The following TSPAN9 variants were observed in gnomAD, a reference collection of about 807,000 sequenced individuals.
The protein encoded by TSPAN9 is tetraspanin-9.
A neutral mutation model predicts 31.0 loss-of-function variants in TSPAN9; 16 were observed. That is an observed-to-expected ratio of 0.52 (90% CI 0.35 to 0.78). The LOEUF (loss-of-function observed/expected upper bound fraction) is 0.78, where lower values mean the gene tolerates loss of function less well. Among genes scored for constraint, TSPAN9 ranks in the 30% least tolerant of loss-of-function variants. TSPAN9 has a pLI of 0.01. For missense variants in TSPAN9, 272 were observed against 312.5 expected (o/e 0.87, Z 0.98); for synonymous variants, 145 against 121.6 (o/e 1.19, Z -1.27).
chr12:3,128,097 G>A (rs1322263524), intron 2 of TSPAN9, among the ~76,000 whole-genome samples: 5 of 152,210 alleles, frequency 3.3e-5, no homozygotes, highest in East Asian at 1.9e-4. Context: ...TGTGTGGTCC[G>A]TCATTGGCTG....
intron 2 of TSPAN9, among the ~76,000 whole-genome samples, chr12:3,179,185 A>T (rs1591662784): frequency 6.6e-6 from 1 of 152,146 alleles, no homozygotes; most frequent in Non-Finnish European, 1.5e-5. Flanking sequence ...ATCCTGCCTC[A>T]TCCTGGAACC....
intron 2 of TSPAN9, among the ~76,000 whole-genome samples, chr12:3,179,455 C>T (rs1381270991): frequency 1.3e-5 from 2 of 152,160 alleles, no homozygotes; most frequent in Non-Finnish European, 2.9e-5. Context: ...AAGCCACTGT[C>T]CCCCTGCTTG....
At chr12:3,089,373 T>A (rs1260598566) in intron 2 of TSPAN9, among the ~76,000 whole-genome samples, 2 of 146,148 alleles carry the variant, frequency 1.4e-5, no homozygotes, top group African/African-American at 5.0e-5. Flanking sequence ...CTTGGCTCAC[T>A]GCAACCTCCC....
chr12:3,121,807 T>C (rs977198041), intron 2 of TSPAN9, among the ~76,000 whole-genome samples: 6 of 152,188 alleles, frequency 3.9e-5, no homozygotes, highest in Non-Finnish European at 8.8e-5. Flanking sequence ...CCCTCAGTCT[T>C]GACACAGTAC....
intron 2 of TSPAN9, among the ~76,000 whole-genome samples, chr12:3,197,267 G>A (rs937462392): frequency 6.6e-6 from 1 of 152,220 alleles, no homozygotes; most frequent in African/African-American, 2.4e-5. Flanking sequence ...AAGAAGTAAT[G>A]TTGTGAGAAT....
At chr12:3,167,617 T>C (rs1164925371) in intron 2 of TSPAN9, among the ~76,000 whole-genome samples, 1 of 152,180 alleles carries the variant, frequency 6.6e-6, no homozygotes, top group African/African-American at 2.4e-5. Flanking sequence ...GTGGAGTCAT[T>C]AGCTCGTGAT....
chr12:3,252,512 C>G (rs1817879064), intron 3 of TSPAN9, among the ~76,000 whole-genome samples: 1 of 152,240 alleles, frequency 6.6e-6, no homozygotes, highest in South Asian at 2.1e-4. Flanking sequence ...CCCTGCACTC[C>G]CAGAGCTCCG....
chr12:3,281,602 A>G, intron 7 of TSPAN9, 132 bp from the exon 8 acceptor site: 1 of 1,176,014 alleles, frequency 8.5e-7, no homozygotes, highest in Non-Finnish European at 1.2e-6. Flanking sequence ...AGGGATGGGG[A>G]CAGGGCTGAG....
Position 3,144,655 on chromosome 12 carries a change from A to G in TSPAN9, c.-17-56522A>G, listed in dbSNP as rs544608770. Reference sequence around the variant, plus strand: ...CTCCCAGCTCGGGGTACTTTGCTGCAGTGGCTCCGGGAATCACATGGAGTG... The same window carrying G: ...CTCCCAGCTCGGGGTACTTTGCTGCGGTGGCTCCGGGAATCACATGGAGTG... On this transcript the variant is annotated intron_variant, in intron 2 of 8. Coordinates refer to ENST00000011898, the MANE Select transcript of TSPAN9 (RefSeq NM_006675.5). 7.2e-5 allele frequency among the ~76,000 whole-genome samples: 11 copies of G among 152,320 alleles called. No homozygotes were observed. The South Asian group carries it at 2.1e-3, about 29-fold the overall frequency.
intron 3 of TSPAN9, among the ~76,000 whole-genome samples, chr12:3,228,212 TGTG>T (rs2098388879): frequency 6.6e-6 from 1 of 152,010 alleles, no homozygotes; most frequent in Non-Finnish European, 1.5e-5. Flanking sequence ...ATTAGCCAAA[TGTG>T]GTGGCATGCA....
intron 2 of TSPAN9, chr12:3,150,936 TA>T (rs777746528): frequency 2.6e-5 from 4 of 152,274 alleles, no homozygotes; most frequent in Non-Finnish European, 4.4e-5. Flanking sequence ...CGCTCAACGT[TA>T]AACTCTGTCA....
At chr12:3,145,104 C>T (rs990337781) in intron 2 of TSPAN9, among the ~76,000 whole-genome samples, 16 of 152,172 alleles carry the variant, frequency 1.1e-4, no homozygotes, top group African/African-American at 2.9e-4. Flanking sequence ...TTTCTTCCCC[C>T]CACTCCCTTG....
At chr12:3,094,532 G>GTTTT in intron 2 of TSPAN9, among the ~76,000 whole-genome samples, 1 of 141,882 alleles carries the variant, frequency 7.0e-6, no homozygotes, top group African/African-American at 2.5e-5. Context: ...TGTTGTTGTT[G>GTTTT]TTGTTGTTTT....
In TSPAN9 at chr12:3,172,750, A is replaced by G. The variant is rs1486481175; in HGVS notation, c.-17-28427A>G. 6.6e-6 allele frequency: 1 copy of G among 152,232 alleles called. No individual in the cohort carries two copies. Among genetic ancestry groups the G allele is most frequent in the Non-Finnish European group, 1.5e-5 (1 of 68,072 alleles). The allele number at this position is 152,232 out of a possible 1,614,324, so 9.4% of individuals were successfully genotyped here. ...AATGTCGCTTAGCGAGGCTTTCTTC[A>G]GCTTTGGAGGCATGCTGGCTTCGTA... On this transcript the variant is annotated intron_variant, in intron 2 of 8. Transcript: ENST00000011898. This position sits in a 1 kb window ranked among gnomAD's most constrained non-coding sequence, Gnocchi z 4.8.
chr12:3,268,130 TC>T (rs1261020576), intron 3 of TSPAN9, among the ~76,000 whole-genome samples: 2 of 149,616 alleles, frequency 1.3e-5, no homozygotes, highest in African/African-American at 4.9e-5. Context: ...CCATGCCTAT[TC>T]CGTAGGTGCT....
chr12:3,178,894 G>A (rs1229730728), intron 2 of TSPAN9, among the ~76,000 whole-genome samples: 1 of 152,184 alleles, frequency 6.6e-6, no homozygotes, highest in Non-Finnish European at 1.5e-5. Context: ...ATGGACAATG[G>A]TGGAGACACC....
chr12:3,246,920 G>A (rs73047037), intron 3 of TSPAN9, among the ~76,000 whole-genome samples: 2,545 of 152,288 alleles, frequency 0.017, 35 homozygotes, highest in Middle Eastern at 0.031. Context: ...GGATAGTGGC[G>A]TCCTGGGTGA....
chr12:3,116,866 A>T (rs1308408436), intron 2 of TSPAN9, among the ~76,000 whole-genome samples: 1 of 151,890 alleles, frequency 6.6e-6, no homozygotes, highest in Non-Finnish European at 1.5e-5. Flanking sequence ...TCTAAACCCC[A>T]CTACCTCTGT....
chr12:3,255,980 G>A (rs1024271933), intron 3 of TSPAN9, among the ~76,000 whole-genome samples: 2 of 152,198 alleles, frequency 1.3e-5, no homozygotes, highest in African/African-American at 4.8e-5. Context: ...TCTCTTGCCT[G>A]CTATGTCTTT....
Sources: gnomAD v4.1 joint callset for allele counts (sites outside exome capture counted in the v4.1 genomes callset) on GRCh38, gnomAD v4.1.1 for gene constraint, Gnocchi (gnomAD v3.1) non-coding constraint, MANE v1.5 for transcripts, NCBI Gene and HGNC (gene_info 2026-07-23, HGNC 2026-07-21) for gene names.